The following LPAR3 variants were observed in gnomAD, a reference collection of about 807,000 sequenced individuals.
LPAR3 encodes lysophosphatidic acid receptor 3.
In LPAR3, 7 loss-of-function variants were observed where a neutral mutation model predicts 17.8. The ratio of observed to expected loss-of-function variants is 0.39; its 90% CI spans 0.22 to 0.74. The LOEUF (loss-of-function observed/expected upper bound fraction) is 0.74, where lower values mean the gene tolerates loss of function less well. LPAR3 is among the 30% of genes least tolerant of loss of function. The probability of loss-of-function intolerance (pLI) is 0.40; values close to 1 mark genes in which losing one functional copy is unlikely to be tolerated. For missense variants in LPAR3, 391 were observed against 453.4 expected (o/e 0.86, Z 1.25); for synonymous variants, 179 against 179.9 (o/e 0.99, Z 0.04).
intron 2 of LPAR3, among the ~76,000 whole-genome samples, chr1:84,825,255 G>A (rs976317787): frequency 1.3e-5 from 2 of 152,190 alleles, no homozygotes; most frequent in Admixed American, 6.5e-5. Context: ...AATTTAAGAC[G>A]CATGTCACCT....
rs1348728904 is a variant in LPAR3, at chr1:84,865,800, C to A, written c.321G>T (p.Gly107=). Residue 107 remains glycine, a synonymous_variant, in exon 2 of 3, where the codon GGG becomes GGT. Coordinates refer to ENST00000370611, the MANE Select transcript of LPAR3 (RefSeq NM_012152.3). ...AAGCAGTCAAGCTACTGTCCAGAAG[C>A]CCCTGACGGAGAAACCAGCGGTTGA... ...LTVNRWFLRQ[G]LLDSSLTASL... 10 of 1,614,062 alleles carry A rather than the reference C, an allele frequency of 6.2e-6. No homozygotes were observed. Among genetic ancestry groups the A allele is most frequent in the Non-Finnish European group, 8.5e-6 (10 of 1,180,046 alleles).
At chr1:84,873,490 T>C (rs1277801584) in intron 1 of LPAR3, among the ~76,000 whole-genome samples, 4 of 152,208 alleles carry the variant, frequency 2.6e-5, no homozygotes, top group African/African-American at 7.2e-5. Flanking sequence ...CTCTTTGATA[T>C]GGTAAAATAA....
chr1:84,888,499 A>C lies in LPAR3; in HGVS notation c.-19+4517T>G, dbSNP rs146683326. On this transcript the variant is annotated intron_variant, in intron 1 of 2. Transcript: ENST00000370611. Reference sequence around the variant, plus strand: ...CTTAACTCTGGCTTTCTACCTCCTTAGGGAGTGAATGCTGCTGATAGACTC... The same window carrying C: ...CTTAACTCTGGCTTTCTACCTCCTTCGGGAGTGAATGCTGCTGATAGACTC... Among the ~76,000 whole-genome samples, 1,481 of 152,218 alleles carry C rather than the reference A, an allele frequency of 9.7e-3. 20 individuals carry two copies. The highest frequency in any genetic ancestry group is 0.033 in the African/African-American group (1,373 of 41,522).
intron 2 of LPAR3, among the ~76,000 whole-genome samples, chr1:84,852,663 G>A (rs1570883948): frequency 6.6e-6 from 1 of 152,140 alleles, no homozygotes; most frequent in East Asian, 1.9e-4. Flanking sequence ...GGTTCAAGCT[G>A]CAGGAGTAAA....
At chr1:84,877,582 A>G (rs937985258) in intron 1 of LPAR3, among the ~76,000 whole-genome samples, 2 of 152,186 alleles carry the variant, frequency 1.3e-5, no homozygotes, top group East Asian at 3.8e-4. Flanking sequence ...CAATCTGAAT[A>G]CAAATATGCT....
rs541765892 is a variant in LPAR3 at position 84,848,813 on chromosome 1, C to T, written c.736+16572G>A. ...CAGAGCTCCACTGTGAGACAGCATT[C>T]GTTAAGTTTGCCACATGTCAGGAGT... On this transcript the variant is annotated intron_variant, in intron 2 of 2. Transcript: ENST00000370611. 2.6e-5 allele frequency among the ~76,000 whole-genome samples: 4 copies of T among 152,124 alleles called. No individual in the cohort carries two copies. The East Asian group carries it at 7.7e-4, about 29-fold the overall frequency.
chr1:84,890,053 CAA>C (rs1295162523), intron 1 of LPAR3, among the ~76,000 whole-genome samples: 1 of 152,226 alleles, frequency 6.6e-6, no homozygotes, highest in African/African-American at 2.4e-5. Flanking sequence ...TGTAAAAGCA[CAA>C]AGTCTCTGCA....
chr1:84,836,105 G>A (rs1432255493), intron 2 of LPAR3, among the ~76,000 whole-genome samples: 1 of 138,636 alleles, frequency 7.2e-6, no homozygotes, highest in African/African-American at 2.7e-5. Flanking sequence ...GGGAGGCCAA[G>A]GCGGGCAAAC....
At chr1:84,849,516 C>T (rs1018183079) in intron 2 of LPAR3, among the ~76,000 whole-genome samples, 1 of 151,968 alleles carries the variant, frequency 6.6e-6, no homozygotes, top group Admixed American at 6.6e-5. Flanking sequence ...TGTCATGGGC[C>T]CAGATAGGCA....
chr1:84,882,182 T>C (rs2102772753), intron 1 of LPAR3, among the ~76,000 whole-genome samples: 1 of 152,330 alleles, frequency 6.6e-6, no homozygotes, highest in African/African-American at 2.4e-5. Context: ...CATTTATTTC[T>C]ATGCACTAAC....
intron 1 of LPAR3, among the ~76,000 whole-genome samples, chr1:84,870,730 C>A (rs181131463): frequency 1.1e-4 from 16 of 152,252 alleles, no homozygotes; most frequent in Admixed American, 3.3e-4. Flanking sequence ...AACTGAAGCA[C>A]CCTTGCCTAA....
chr1:84,845,158 C>T (rs1029794879), intron 2 of LPAR3, among the ~76,000 whole-genome samples: 6 of 152,118 alleles, frequency 3.9e-5, no homozygotes, highest in Non-Finnish European at 8.8e-5. Context: ...AGTGCTTTTC[C>T]TTCTACTGCT....
intron 2 of LPAR3, among the ~76,000 whole-genome samples, chr1:84,854,846 G>A (rs1337888947): frequency 6.6e-6 from 1 of 152,220 alleles, no homozygotes; most frequent in African/African-American, 2.4e-5. Flanking sequence ...AAGAAGTTGG[G>A]ACCCACTAGA....
At chr1:84,882,857 A>G (rs1210679474) in intron 1 of LPAR3, among the ~76,000 whole-genome samples, 1 of 152,236 alleles carries the variant, frequency 6.6e-6, no homozygotes, top group African/African-American at 2.4e-5. Flanking sequence ...AGATACTCAC[A>G]TGCAAAAGGG....
intron 2 of LPAR3, among the ~76,000 whole-genome samples, chr1:84,819,788 G>T: frequency 6.6e-6 from 1 of 152,168 alleles, no homozygotes; most frequent in East Asian, 1.9e-4. Flanking sequence ...TGCCAGGAAT[G>T]CCTTCTCACC....
intron 1 of LPAR3, among the ~76,000 whole-genome samples, chr1:84,887,086 T>A (rs1394544915): frequency 1.3e-5 from 2 of 152,060 alleles, no homozygotes; most frequent in Non-Finnish European, 2.9e-5. Flanking sequence ...CACTTGAGGC[T>A]GGGTGCAGGG....
intron 1 of LPAR3, among the ~76,000 whole-genome samples, chr1:84,892,319 T>C (rs879531823): frequency 5.2e-4 from 79 of 152,302 alleles, no homozygotes; most frequent in Non-Finnish European, 4.0e-4. Context: ...TAAGACTAAA[T>C]TGTTTCCAAT....
chr1:84,870,521 C>T (rs932595144), intron 1 of LPAR3, among the ~76,000 whole-genome samples: 15 of 152,288 alleles, frequency 9.8e-5, no homozygotes, highest in Admixed American at 7.2e-4. Context: ...TGACAAGTAG[C>T]GAGCTCTGTC....
intron 1 of LPAR3, among the ~76,000 whole-genome samples, chr1:84,886,804 T>C (rs891687193): frequency 1.2e-4 from 19 of 152,270 alleles, no homozygotes; most frequent in African/African-American, 4.6e-4. Context: ...TGAGTCCAGA[T>C]GATCTGGTGG....
Sources: gnomAD v4.1 joint callset for allele counts (sites outside exome capture counted in the v4.1 genomes callset) on GRCh38, gnomAD v4.1.1 for gene constraint, MANE v1.5 for transcripts, NCBI Gene and HGNC (gene_info 2026-07-23, HGNC 2026-07-21) for gene names.